CCDC102B: variants seen among roughly 807,000 people sequenced by gnomAD.
CCDC102B encodes the protein coiled-coil domain-containing protein 102B.
A neutral mutation model predicts 57.4 loss-of-function variants in CCDC102B; 75 were observed. The ratio of observed to expected loss-of-function variants is 1.31; its 90% CI spans 1.08 to 1.58. CCDC102B has a LOEUF of 1.58. Among genes scored for constraint, CCDC102B ranks in the 40% most tolerant of loss-of-function variants. The pLI is 0.00. For missense variants in CCDC102B, 636 were observed against 582.6 expected (o/e 1.09, Z -0.94); for synonymous variants, 206 against 201.9 (o/e 1.02, Z -0.17).
intron 6 of CCDC102B, among the ~76,000 whole-genome samples, chr18:68,910,875 A>G (rs768669696): frequency 6.6e-6 from 1 of 151,272 alleles, no homozygotes; most frequent in Non-Finnish European, 1.5e-5. Flanking sequence ...GAGATTGAAG[A>G]TGAAAAATGA....
intron 6 of CCDC102B, among the ~76,000 whole-genome samples, chr18:68,955,780 T>C (rs2049827764): frequency 6.6e-6 from 1 of 152,054 alleles, no homozygotes; most frequent in South Asian, 2.1e-4. Flanking sequence ...TCGTTAATTT[T>C]GTGGGTACAT....
At chr18:68,771,926 T>C (rs2034654046) in intron 2 of CCDC102B, among the ~76,000 whole-genome samples, 1 of 149,442 alleles carries the variant, frequency 6.7e-6, no homozygotes, top group South Asian at 2.1e-4. Context: ...GAAATAAAGA[T>C]TGTCAAGATA....
At chr18:68,981,837 G>A (rs76410987) in intron 6 of CCDC102B, among the ~76,000 whole-genome samples, 2,248 of 151,986 alleles carry the variant, frequency 0.015, 42 homozygotes, top group East Asian at 0.083. Flanking sequence ...GACAACAGGC[G>A]GTGTTGGGTT....
At chr18:69,031,501 G>A (rs2052144630) in intron 7 of CCDC102B, among the ~76,000 whole-genome samples, 1 of 149,590 alleles carries the variant, frequency 6.7e-6, no homozygotes, top group Non-Finnish European at 1.5e-5. Context: ...TGATATAGCA[G>A]CATTTTTCCT....
At chr18:68,749,752 A>G (rs548761187) in intron 2 of CCDC102B, among the ~76,000 whole-genome samples, 9 of 152,204 alleles carry the variant, frequency 5.9e-5, no homozygotes, top group African/African-American at 9.6e-5. Flanking sequence ...TCTTTTCCTA[A>G]TTGAATACCC....
rs145149662 is a variant in CCDC102B at position 68,734,367 on chromosome 18, A to G, written c.-67+17773A>G. Among the ~76,000 whole-genome samples, 268 of 152,290 alleles carry G rather than the reference A, an allele frequency of 1.8e-3. 5 individuals are homozygous for G. The East Asian group carries it at 0.039, about 22-fold the overall frequency. On this transcript the variant is annotated intron_variant, in intron 2 of 3. Coordinates refer to the CCDC102B transcript ENST00000578970. ...TTAGGGGTGTAGAGATTAGCCAGAA[A>G]AGCAGGGTGCAAACATATAAATTAT... is the stretch of plus-strand genomic sequence containing the variant.
At chr18:68,729,042 G>T (rs561712347) in intron 2 of CCDC102B, among the ~76,000 whole-genome samples, 1 of 152,070 alleles carries the variant, frequency 6.6e-6, no homozygotes, top group East Asian at 1.9e-4. Flanking sequence ...TAGGTTTATG[G>T]TCATTATGCA....
intron 5 of CCDC102B, among the ~76,000 whole-genome samples, chr18:68,879,359 G>A (rs892954259): frequency 9.2e-5 from 14 of 152,168 alleles, no homozygotes; most frequent in African/African-American, 3.4e-4. Context: ...AGCTTCCACA[G>A]TGTGGAAGGG....
At chr18:68,865,301 G>C (rs189710335) in intron 4 of CCDC102B, among the ~76,000 whole-genome samples, 1 of 151,956 alleles carries the variant, frequency 6.6e-6, no homozygotes, top group South Asian at 2.1e-4. Flanking sequence ...TGCAATTCAC[G>C]AAGTGTCAGT....
At chr18:69,047,728 C>T (rs2052603660) in intron 7 of CCDC102B, among the ~76,000 whole-genome samples, 1 of 152,046 alleles carries the variant, frequency 6.6e-6, no homozygotes, top group South Asian at 2.1e-4. Flanking sequence ...TAATCAGTAG[C>T]ATTCTTAAAC....
chr18:68,858,989 A>G (rs544359314), intron 4 of CCDC102B: 30 of 152,484 alleles, frequency 2.0e-4, no homozygotes, highest in Admixed American at 5.2e-4. Flanking sequence ...GAAGATTAGC[A>G]TGGCCCTTGC....
chr18:68,970,048 G>A (rs2050262006), intron 6 of CCDC102B, among the ~76,000 whole-genome samples: 1 of 151,868 alleles, frequency 6.6e-6, no homozygotes, highest in Non-Finnish European at 1.5e-5. Flanking sequence ...TTTCCTTATT[G>A]AATTTGAGAA....
chr18:68,896,508 A>G (rs1020256711), intron 5 of CCDC102B, among the ~76,000 whole-genome samples: 15 of 152,086 alleles, frequency 9.9e-5, no homozygotes, highest in African/African-American at 3.4e-4. Context: ...TTTACTACCT[A>G]TATGGTCTCT....
intron 6 of CCDC102B, among the ~76,000 whole-genome samples, chr18:68,970,352 A>C (rs1000176000): frequency 6.6e-6 from 1 of 152,060 alleles, no homozygotes; most frequent in African/African-American, 2.4e-5. Context: ...ATAAATATTC[A>C]TGTTTTATCC....
rs375205819 is a variant in CCDC102B, at chr18:69,051,222, T to C, written c.1435-2808T>C. Among the ~76,000 whole-genome samples the C allele has an allele frequency of 4.0e-5, 6 of 150,972 alleles. No individual in the cohort carries two copies. The East Asian group carries it at 9.7e-4, about 24-fold the overall frequency. ...TATACTATACACATACAACAAAACT[T>C]ATAAAATACATTTTATTTTTTTGGA... On this transcript the variant is annotated intron_variant, in intron 7 of 7. Transcript: ENST00000360242.
At chr18:68,970,624 G>T (rs2050276496) in intron 6 of CCDC102B, among the ~76,000 whole-genome samples, 1 of 151,628 alleles carries the variant, frequency 6.6e-6, no homozygotes, top group South Asian at 2.1e-4. Context: ...GTTTCCTCAG[G>T]ATTGTTTAGA....
At chr18:68,965,430 G>A (rs1213944269) in intron 6 of CCDC102B, among the ~76,000 whole-genome samples, 2 of 150,802 alleles carry the variant, frequency 1.3e-5, no homozygotes, top group African/African-American at 4.9e-5. Context: ...TTTATATTGA[G>A]ACTTTCTATT....
rs780197071 is a variant in CCDC102B, at chr18:68,897,409, A to G, written c.1244A>G (p.Asp415Gly). Reference protein sequence around the residue: ...QSPDFKMSQIDLQEKNQELLN... With the variant: ...QSPDFKMSQIGLQEKNQELLN... ...CCTGATTTCAAGATGTCACAAATTGATCTGCAAGAAAAAAACCAGGTATGG... is the reference window on the plus strand; with the variant it reads ...CCTGATTTCAAGATGTCACAAATTGGTCTGCAAGAAAAAAACCAGGTATGG... Residue 415 changes from aspartate (D) to glycine (G), a missense_variant, in exon 6 of 8, where the codon GAT becomes GGT. Transcript: ENST00000360242. 1 of 1,610,912 alleles carries G rather than the reference A, an allele frequency of 6.2e-7. No homozygotes were observed. The highest frequency in any genetic ancestry group is 8.5e-7 in the Non-Finnish European group (1 of 1,178,508).
intron 6 of CCDC102B, among the ~76,000 whole-genome samples, chr18:68,979,315 G>T (rs910146013): frequency 3.3e-5 from 5 of 151,948 alleles, no homozygotes; most frequent in African/African-American, 1.2e-4. Context: ...AAAGCAATAT[G>T]TATTGACTTA....
Sources: gnomAD v4.1 joint callset for allele counts (sites outside exome capture counted in the v4.1 genomes callset) on GRCh38, gnomAD v4.1.1 for gene constraint, MANE v1.5 for transcripts, NCBI Gene and HGNC (gene_info 2026-07-23, HGNC 2026-07-21) for gene names.